BIN3: variants seen among roughly 807,000 people sequenced by gnomAD.
BIN3 encodes bridging integrator 3.
A neutral mutation model predicts 38.2 loss-of-function variants in BIN3; 41 were observed. That is an observed-to-expected ratio of 1.07 (90% CI 0.84 to 1.39). BIN3 has a LOEUF of 1.39. BIN3 is among the 40% of genes most tolerant of loss of function. The pLI, the probability that BIN3 is intolerant of heterozygous loss-of-function variation, is 0.00. For missense variants in BIN3, 361 were observed against 324.3 expected, an observed-to-expected ratio of 1.11 and a Z score of -0.87; for synonymous variants, 145 against 122.6, an observed-to-expected ratio of 1.18 and a Z score of -1.21.
intron 1 of BIN3, among the ~76,000 whole-genome samples, chr8:22,652,034 G>C (rs199671787): frequency 6.8e-6 from 1 of 147,812 alleles, no homozygotes; most frequent in East Asian, 2.0e-4. Flanking sequence ...ATTTCTAAGA[G>C]CTCTTTTAAA....
At chr8:22,626,082 TA>T (rs1801995928) in intron 6 of BIN3, 1 of 152,350 alleles carries the variant, frequency 6.6e-6, no homozygotes, top group African/African-American at 2.4e-5. Flanking sequence ...ACAGTGTCCA[TA>T]AGGGGCTCCC....
rs551765002 is a variant in BIN3 at position 22,666,033 on chromosome 8, C to T, written c.8+3011G>A. On this transcript the variant is annotated intron_variant, in intron 1 of 8. Coordinates refer to ENST00000276416, the MANE Select transcript of BIN3 (RefSeq NM_018688.6). ...TGAGCCAGAACCTGAACGCAGCACT[C>T]TAACTCCTACTCACACTTACCTGCT... is the stretch of plus-strand genomic sequence containing the variant. Among the ~76,000 whole-genome samples the T allele has an allele frequency of 2.6e-5, 4 of 152,230 alleles. No homozygotes were observed. The East Asian group carries it at 7.7e-4, about 29-fold the overall frequency.
At chr8:22,668,841 C>T (rs1803513317) in intron 1 of BIN3, among the ~76,000 whole-genome samples, 2 of 152,252 alleles carry the variant, frequency 1.3e-5, no homozygotes, top group African/African-American at 4.8e-5. Context: ...GGATCATCCG[C>T]CACTCTCCCC....
intron 6 of BIN3, among the ~76,000 whole-genome samples, chr8:22,626,997 C>G (rs3779730): frequency 1.3e-5 from 2 of 152,182 alleles, no homozygotes; most frequent in Admixed American, 6.5e-5. Context: ...AGGTGGCCAC[C>G]TGGCTGCATG....
At chr8:22,645,575 GGCGAGGATGGCAGGAAAGGGAAGACACCC>G (rs376040617) in intron 1 of BIN3, among the ~76,000 whole-genome samples, 7,384 of 147,080 alleles carry the variant, frequency 0.05, 587 homozygotes, top group African/African-American at 0.17. Flanking sequence ...AGAGAGGAAA[GGCGAGGATGGCAGGAAAGGGAAGACACCC>G]GCGAGGATGG....
intron 6 of BIN3, among the ~76,000 whole-genome samples, chr8:22,629,520 C>T (rs1210664185): frequency 1.3e-5 from 2 of 152,242 alleles, no homozygotes; most frequent in African/African-American, 2.4e-5. Flanking sequence ...TCCCTGTGTG[C>T]GGCCACCCCC....
intron 2 of BIN3, among the ~76,000 whole-genome samples, chr8:22,637,693 C>T (rs559405613): frequency 2.0e-5 from 3 of 152,314 alleles, no homozygotes; most frequent in Admixed American, 6.5e-5. Context: ...ATCTGTAAAA[C>T]GGAGCCTCAT....
rs756063231 is a variant in BIN3, at chr8:22,623,893, G to C, written c.615+22C>G. 3.1e-6 allele frequency: 5 copies of C among 1,609,242 alleles called. No homozygotes were observed. The Admixed American group carries it at 5.0e-5, about 16-fold the overall frequency. ...TGAGCTGTGTATACCAAGCCCAGGGGAAGAGCACCTGGCGGCCTCACCTGA... is the reference window on the plus strand; with the variant it reads ...TGAGCTGTGTATACCAAGCCCAGGGCAAGAGCACCTGGCGGCCTCACCTGA... On this transcript the variant is annotated intron_variant, in intron 8 of 8. Coordinates refer to ENST00000276416, the MANE Select transcript of BIN3 (RefSeq NM_018688.6).
In BIN3 at chr8:22,644,733, GC is replaced by G. The variant is rs1802661661; in HGVS notation, c.57+21del. 2.5e-6 allele frequency: 4 copies of G among 1,607,396 alleles called. No individual in the cohort carries two copies. In the African/African-American group the frequency reaches 5.3e-5, roughly 21 times the overall value. On this transcript the variant is annotated intron_variant, in intron 2 of 8. Transcript: ENST00000276416. ...ATGTGATACAGAACTGAATCTCACA[GC>G]AAAACAATCGAGTTACTCACTGTTT...
At chr8:22,660,823 A>T (rs1325481575) in intron 1 of BIN3, among the ~76,000 whole-genome samples, 1 of 152,248 alleles carries the variant, frequency 6.6e-6, no homozygotes, top group Non-Finnish European at 1.5e-5. Flanking sequence ...GCAACAAAAC[A>T]GTACAGATGC....
chr8:22,625,514 A>C (rs1585177143), intron 6 of BIN3: 9 of 670,456 alleles, frequency 1.3e-5, no homozygotes, highest in Non-Finnish European at 2.5e-5. Flanking sequence ...GGATGCTGGC[A>C]GACTCACTGT....
At chr8:22,639,854 A>G (rs1299007199) in intron 2 of BIN3, among the ~76,000 whole-genome samples, 1 of 146,808 alleles carries the variant, frequency 6.8e-6, no homozygotes, top group Non-Finnish European at 1.5e-5. Flanking sequence ...TCCCTTTACT[A>G]GACACACTTT....
chr8:22,638,197 T>C (rs1423713197), intron 2 of BIN3, among the ~76,000 whole-genome samples: 1 of 152,234 alleles, frequency 6.6e-6, no homozygotes, highest in Non-Finnish European at 1.5e-5. Flanking sequence ...TACCACTGTC[T>C]TCCAGCAACG....
intron 5 of BIN3, 78 bp downstream of exon 5, chr8:22,630,364 G>A (rs769092968): frequency 3.5e-5 from 55 of 1,558,824 alleles, no homozygotes; most frequent in Non-Finnish European, 4.4e-5. Context: ...GCCCACTCGG[G>A]CCTCCCCGCA....
At chr8:22,668,467 T>C (rs2280104) in intron 1 of BIN3, among the ~76,000 whole-genome samples, 110,548 of 152,164 alleles carry the variant, frequency 0.73, 41,105 homozygotes, top group African/African-American at 0.89. Context: ...GAGTAATAGC[T>C]CTGGAATGAT....
At chr8:22,644,871 A>G in intron 1 of BIN3, 68 bp from the exon 2 acceptor site, 2 of 1,411,700 alleles carry the variant, frequency 1.4e-6, no homozygotes, top group Non-Finnish European at 9.9e-7. Context: ...AAGTATCAGT[A>G]CAGTACAGGC....
chr8:22,665,719 G>C (rs933024845), intron 1 of BIN3, among the ~76,000 whole-genome samples: 1 of 152,210 alleles, frequency 6.6e-6, no homozygotes, highest in African/African-American at 2.4e-5. Flanking sequence ...CAGGCCCAGA[G>C]GGCCTCAGAA....
chr8:22,637,251 C>T (rs894877564), intron 2 of BIN3, among the ~76,000 whole-genome samples: 1 of 152,202 alleles, frequency 6.6e-6, no homozygotes, highest in Non-Finnish European at 1.5e-5. Flanking sequence ...TCGCTGCATG[C>T]CCTCCTCACC....
At position 22,669,078 on chromosome 8, in the gene BIN3, G is replaced by A. The variant is rs756259422; in HGVS notation, c.-27C>T. 1.3e-6 allele frequency: 2 copies of A among 1,590,884 alleles called. No individual in the cohort carries two copies. The highest frequency in any genetic ancestry group is 1.8e-5 in the Admixed American group (1 of 56,812). On this transcript the variant is annotated 5_prime_UTR_variant, in exon 1 of 9. Coordinates refer to ENST00000276416, the MANE Select transcript of BIN3 (RefSeq NM_018688.6). ...GTCCCGAACCTGCGTCTGCCGCCGG[G>A]GTCCTCAGCCACAACTCGTTTCTCT...
Sources: allele counts gnomAD v4.1 joint callset (sites outside exome capture counted in the v4.1 genomes callset), GRCh38; gene constraint gnomAD v4.1.1; transcripts MANE v1.5; gene names NCBI Gene and HGNC (gene_info 2026-07-23, HGNC 2026-07-21).